The following IPO11 variants were observed in gnomAD, a reference collection of about 807,000 sequenced individuals.
IPO11 encodes importin-11.
A neutral mutation model predicts 143.2 loss-of-function variants in IPO11; 66 were observed. That is an observed-to-expected ratio of 0.46 (90% CI 0.38 to 0.57). The LOEUF is 0.57. Among genes scored for constraint, IPO11 ranks in the 20% least tolerant of loss-of-function variants. The pLI is 0.00. For synonymous variants in IPO11, 385 were observed against 377.8 expected, an observed-to-expected ratio of 1.02 and a Z score of -0.22; for missense variants, 1,026 against 1,141.0, an observed-to-expected ratio of 0.90 and a Z score of 1.45.
intron 1 of IPO11, among the ~76,000 whole-genome samples, chr5:62,435,158 A>ATG (rs1157640479): frequency 7.0e-5 from 8 of 113,500 alleles, no homozygotes; most frequent in South Asian, 2.6e-4. Context: ...ATATGTATAT[A>ATG]TATGTATATA....
chr5:62,627,605 A>G lies in IPO11; in HGVS notation c.*287A>G, dbSNP rs1746631005. ...AATAGCTGCTTAGTTTCCTGTTAAG[A>G]GAAGAAACTTTATCTTTTAATTATG... On this transcript the variant is annotated 3_prime_UTR_variant, in exon 30 of 30. Coordinates refer to ENST00000325324, the MANE Select transcript of IPO11 (RefSeq NM_016338.5). 4.3e-6 allele frequency: 1 copy of G among 231,604 alleles called. No homozygotes were observed. Among genetic ancestry groups the G allele is most frequent in the East Asian group, 8.8e-5 (1 of 11,318 alleles). 14.3% of individuals were successfully genotyped at this position (231,604 alleles called of 1,614,324 possible). A position where few individuals can be genotyped will look rare whatever the true frequency, so the allele number is the denominator to read the frequency against.
intron 26 of IPO11, among the ~76,000 whole-genome samples, chr5:62,554,857 AG>A (rs929951008): frequency 6.6e-6 from 1 of 152,108 alleles, no homozygotes; most frequent in Non-Finnish European, 1.5e-5. Flanking sequence ...CTGGGCTTAC[AG>A]GCACACACCA....
intron 1 of IPO11, among the ~76,000 whole-genome samples, chr5:62,434,858 C>G (rs1407049762): frequency 6.6e-6 from 1 of 151,298 alleles, no homozygotes; most frequent in Non-Finnish European, 1.5e-5. Context: ...AACCCAGTCT[C>G]TACTAAAAAT....
At chr5:62,515,066 G>C (rs1021172015) in intron 19 of IPO11, among the ~76,000 whole-genome samples, 1 of 152,018 alleles carries the variant, frequency 6.6e-6, no homozygotes, top group Non-Finnish European at 1.5e-5. Context: ...TTTCCAATTT[G>C]GTAAGCTGTT....
intron 2 of IPO11, among the ~76,000 whole-genome samples, chr5:62,438,445 A>G (rs944243263): frequency 6.6e-6 from 1 of 152,196 alleles, no homozygotes; most frequent in South Asian, 2.1e-4. Context: ...GGCATAGTAT[A>G]AATCTTTAGA....
intron 5 of IPO11, among the ~76,000 whole-genome samples, chr5:62,459,557 CT>C (rs541435835): frequency 4.6e-4 from 67 of 145,924 alleles, no homozygotes; most frequent in Non-Finnish European, 3.8e-4. Context: ...ATACTTAAGC[CT>C]TTTTTTTTTT....
intron 18 of IPO11, among the ~76,000 whole-genome samples, chr5:62,505,109 T>G (rs764758158): frequency 6.6e-6 from 1 of 152,200 alleles, no homozygotes; most frequent in Admixed American, 6.5e-5. Context: ...TTCTGCTTAC[T>G]TTTGTTTAGC....
chr5:62,455,477 T>C (rs761909457), intron 5 of IPO11, among the ~76,000 whole-genome samples: 3 of 152,056 alleles, frequency 2.0e-5, no homozygotes, highest in African/African-American at 4.8e-5. Context: ...GAACCGAGAT[T>C]GCGCCACTAT....
chr5:62,610,890 C>T (rs1745903306), intron 29 of IPO11, among the ~76,000 whole-genome samples: 1 of 152,048 alleles, frequency 6.6e-6, no homozygotes, highest in African/African-American at 2.4e-5. Flanking sequence ...ACAGTACATA[C>T]ATAGTATTTT....
intron 27 of IPO11, among the ~76,000 whole-genome samples, chr5:62,586,456 A>C (rs1406902853): frequency 6.6e-6 from 1 of 152,012 alleles, no homozygotes; most frequent in Admixed American, 6.6e-5. Flanking sequence ...CCCAAGCTAC[A>C]ATTACCTTTT....
intron 2 of IPO11, among the ~76,000 whole-genome samples, chr5:62,440,887 C>T (rs1411014433): frequency 6.6e-6 from 1 of 151,432 alleles, no homozygotes; most frequent in Non-Finnish European, 1.5e-5. Flanking sequence ...CGCTTGAACC[C>T]GGGAGGTGGA....
chr5:62,610,118 AG>A (rs1745875830), intron 29 of IPO11, among the ~76,000 whole-genome samples: 1 of 152,184 alleles, frequency 6.6e-6, no homozygotes, highest in Non-Finnish European at 1.5e-5. Context: ...GCCATAGATG[AG>A]GTACTTGTAA....
intron 22 of IPO11, among the ~76,000 whole-genome samples, chr5:62,531,740 G>T (rs1024096937): frequency 5.3e-5 from 8 of 152,152 alleles, no homozygotes; most frequent in Non-Finnish European, 1.2e-4. Flanking sequence ...TTATTTGTTG[G>T]ATGACCATGG....
rs777623111 is a variant in IPO11 at position 62,451,922 on chromosome 5, C to T, written c.505C>T (p.Leu169=). The T allele has an allele frequency of 2.5e-6, 4 of 1,612,076 alleles. No individual in the cohort carries two copies. In the Admixed American group the frequency reaches 6.7e-5, roughly 27 times the overall value. The change falls in exon 5 of 30, where the codon CTA becomes TTA. Residue 169 remains leucine, a synonymous_variant. Coordinates refer to ENST00000325324, the MANE Select transcript of IPO11 (RefSeq NM_016338.5). The part of the protein sequence containing the change: ...ASKRLAADRK[L]FYDLASGIYN... The stretch of plus-strand genomic sequence containing the variant: ...TAAACGACTTGCTGCTGATAGAAAA[C>T]TATTTTATGATGTAAGTGATTTCAC...
intron 24 of IPO11, among the ~76,000 whole-genome samples, chr5:62,547,288 C>T: frequency 6.6e-6 from 1 of 152,210 alleles, no homozygotes; most frequent in African/African-American, 2.4e-5. Flanking sequence ...TAGGACCTGG[C>T]ATTTTTCACT....
In IPO11 at chr5:62,518,725, G is replaced by GT. The variant is rs200096996; in HGVS notation, c.1896+3231dup. Among the ~76,000 whole-genome samples the GT allele has an allele frequency of 4.6e-3, 693 of 152,196 alleles. 2 individuals carry two copies. Among genetic ancestry groups the GT allele is most frequent in the Non-Finnish European group, 7.8e-3 (527 of 67,964 alleles). ...TGTAAGTTTCTGTATGTTTTTGTTT[G>GT]TTTTTTTAATCCTGGAAATCCAGAT... On this transcript the variant is annotated intron_variant, in intron 20 of 29. Coordinates refer to ENST00000325324, the MANE Select transcript of IPO11 (RefSeq NM_016338.5).
At chr5:62,544,179 A>G (rs931311910) in intron 24 of IPO11, among the ~76,000 whole-genome samples, 1 of 151,730 alleles carries the variant, frequency 6.6e-6, no homozygotes, top group African/African-American at 2.4e-5. Context: ...AATATCCCTG[A>G]TGAACATCAA....
At chr5:62,615,560 C>A (rs550797293) in intron 29 of IPO11, among the ~76,000 whole-genome samples, 3 of 152,228 alleles carry the variant, frequency 2.0e-5, no homozygotes, top group Admixed American at 2.0e-4. Context: ...ATCCCTGGAA[C>A]CTGTGAATGT....
chr5:62,577,945 TGAAA>T (rs1394237333), intron 27 of IPO11, among the ~76,000 whole-genome samples: 2 of 152,076 alleles, frequency 1.3e-5, no homozygotes, highest in African/African-American at 4.8e-5. Context: ...TTAAAGTTAA[TGAAA>T]GAAAGTTAAT....
Sources: gnomAD v4.1 joint callset for allele counts (sites outside exome capture counted in the v4.1 genomes callset) on GRCh38, gnomAD v4.1.1 for gene constraint, MANE v1.5 for transcripts, NCBI Gene and HGNC (gene_info 2026-07-23, HGNC 2026-07-21) for gene names.